Variants in ENAH observed in about 807,000 individuals in gnomAD.
ENAH encodes the protein ENAH actin regulator, also known as protein enabled homolog.
ENAH carries 23 observed loss-of-function variants against 78.7 expected under a neutral mutation model. The observed-to-expected ratio is 0.29, with a 90% CI of 0.21 to 0.41. The LOEUF (loss-of-function observed/expected upper bound fraction) is 0.41, where lower values mean the gene tolerates loss of function less well. Among genes scored for constraint, ENAH ranks in the 10% least tolerant of loss-of-function variants. The pLI is 1.00. For missense variants in ENAH, 544 were observed against 691.0 expected, an observed-to-expected ratio of 0.79 and a Z score of 2.39; for synonymous variants, 226 against 241.0, an observed-to-expected ratio of 0.94 and a Z score of 0.58.
intron 1 of ENAH, among the ~76,000 whole-genome samples, chr1:225,648,756 T>TA (rs1401359468): frequency 7.4e-6 from 1 of 135,930 alleles, no homozygotes; most frequent in African/African-American, 2.8e-5. Flanking sequence ...TAAGATTATC[T>TA]CCTTTTTTTT....
intron 1 of ENAH, among the ~76,000 whole-genome samples, chr1:225,640,918 CAG>C (rs1297326480): frequency 2.5e-5 from 3 of 121,782 alleles, no homozygotes; most frequent in East Asian, 2.4e-4. Context: ...TTTTTTGAGA[CAG>C]AGTCTCGTTC....
chr1:225,538,679 T>C (rs2096574587), intron 3 of ENAH, among the ~76,000 whole-genome samples: 1 of 152,110 alleles, frequency 6.6e-6, no homozygotes, highest in African/African-American at 2.4e-5. Context: ...TATTCCCTTC[T>C]AAGCCAATAT....
chr1:225,514,213 C>G (rs912964807), intron 7 of ENAH, among the ~76,000 whole-genome samples: 3 of 152,078 alleles, frequency 2.0e-5, no homozygotes, highest in East Asian at 3.9e-4. Context: ...GTCACCCAGG[C>G]TAGAGCGCAG....
intron 1 of ENAH, among the ~76,000 whole-genome samples, chr1:225,638,313 C>T (rs1036106833): frequency 3.3e-5 from 5 of 152,042 alleles, no homozygotes; most frequent in African/African-American, 1.2e-4. Context: ...TGTGCACCAC[C>T]ACACCCAGCT....
chr1:225,597,247 G>A (rs2096906067), intron 1 of ENAH, among the ~76,000 whole-genome samples: 2 of 152,136 alleles, frequency 1.3e-5, no homozygotes, highest in African/African-American at 2.4e-5. Flanking sequence ...TAATGGTAGT[G>A]CCTTGGAACA....
At chr1:225,632,070 C>A (rs1487963232) in intron 1 of ENAH, among the ~76,000 whole-genome samples, 1 of 152,148 alleles carries the variant, frequency 6.6e-6, no homozygotes, top group East Asian at 1.9e-4. Flanking sequence ...GAACAAAAAA[C>A]AAGATTGCAG....
rs1433632561 is a variant in ENAH, at chr1:225,489,576, T to A, written c.*8199A>T. 2 of 151,208 alleles carry A rather than the reference T, an allele frequency of 1.3e-5. No individual in the cohort carries two copies. Among genetic ancestry groups the A allele is most frequent in the African/African-American group, 4.8e-5 (2 of 41,284 alleles). 9.4% of individuals were successfully genotyped at this position (151,208 alleles called of 1,614,324 possible). A position where few individuals can be genotyped will look rare whatever the true frequency, so the allele number is the denominator to read the frequency against. On this transcript the variant is annotated 3_prime_UTR_variant, in exon 14 of 14. Coordinates refer to ENST00000366843, the MANE Select transcript of ENAH (RefSeq NM_018212.6). ...TTCTCTTCAAAGATCAAAAGAAGAA[T>A]AAACCAAAAAAGATTAAAAAAAAAG...
intron 1 of ENAH, among the ~76,000 whole-genome samples, chr1:225,596,394 C>A (rs2096902091): frequency 1.3e-5 from 2 of 152,120 alleles, no homozygotes; most frequent in African/African-American, 4.8e-5. Context: ...TTGAGTTTAG[C>A]CCTCTCTGGT....
chr1:225,592,027 T>C (rs1454058231), intron 1 of ENAH, among the ~76,000 whole-genome samples: 3 of 152,138 alleles, frequency 2.0e-5, no homozygotes, highest in African/African-American at 7.2e-5. Context: ...ATAACAGTAA[T>C]ACCTCATGGA....
At chr1:225,610,683 A>C (rs948971492) in intron 1 of ENAH, among the ~76,000 whole-genome samples, 3 of 152,150 alleles carry the variant, frequency 2.0e-5, no homozygotes, top group African/African-American at 7.2e-5. Context: ...TCCATGCCTA[A>C]ACAGAACTAA....
At chr1:225,544,842 CA>C (rs557368453) in intron 3 of ENAH, among the ~76,000 whole-genome samples, 19 of 151,538 alleles carry the variant, frequency 1.3e-4, no homozygotes, top group African/African-American at 3.2e-4. Flanking sequence ...GAAAAAATCA[CA>C]AAAAAAATCA....
At chr1:225,615,189 C>T (rs1170897614) in intron 1 of ENAH, among the ~76,000 whole-genome samples, 1 of 152,308 alleles carries the variant, frequency 6.6e-6, no homozygotes, top group South Asian at 2.1e-4. Context: ...ATTGCAGGCG[C>T]GCGCCGCCAC....
chr1:225,619,161 A>G (rs909554677), intron 1 of ENAH, among the ~76,000 whole-genome samples: 2 of 152,192 alleles, frequency 1.3e-5, no homozygotes, highest in African/African-American at 4.8e-5. Context: ...TACCATGTGC[A>G]ATGTTTCCTG....
intron 3 of ENAH, among the ~76,000 whole-genome samples, chr1:225,554,226 T>C (rs896190357): frequency 6.6e-6 from 1 of 152,190 alleles, no homozygotes; most frequent in African/African-American, 2.4e-5. Context: ...ATAAAATCTC[T>C]CTCTTCAAAG....
chr1:225,646,096 TAAAAC>T (rs1266609716), intron 1 of ENAH, among the ~76,000 whole-genome samples: 3 of 151,860 alleles, frequency 2.0e-5, no homozygotes, highest in Non-Finnish European at 2.9e-5. Context: ...TCTGGTTACT[TAAAAC>T]AAAACTTATC....
intron 1 of ENAH, among the ~76,000 whole-genome samples, chr1:225,580,739 G>C (rs1037188796): frequency 6.6e-6 from 1 of 151,812 alleles, no homozygotes; most frequent in Non-Finnish European, 1.5e-5. Flanking sequence ...CCAACATGGT[G>C]AAACCCTGTC....
intron 3 of ENAH, among the ~76,000 whole-genome samples, chr1:225,531,603 A>G (rs2151266253): frequency 6.6e-6 from 1 of 152,256 alleles, no homozygotes; most frequent in East Asian, 1.9e-4. Context: ...CACACTACAT[A>G]TATTTGTGAA....
In ENAH at chr1:225,499,149, ATAAT is replaced by A. The variant is rs143472557; in HGVS notation, c.1618-749_1618-746del. 4.7e-3 allele frequency among the ~76,000 whole-genome samples: 710 copies of A among 152,364 alleles called. 6 individuals carry two copies. Among genetic ancestry groups the A allele is most frequent in the African/African-American group, 0.013 (546 of 41,586 alleles). On this transcript the variant is annotated intron_variant, in intron 12 of 13. Transcript: ENST00000366843. ...GACTACATATTAAAACATACTTTAAATAATTAAGTTTTAAAATTAATGTCCTTTT... is the reference window on the plus strand; with the variant it reads ...GACTACATATTAAAACATACTTTAAATAAGTTTTAAAATTAATGTCCTTTT...
At chr1:225,599,038 C>G (rs1476090310) in intron 1 of ENAH, among the ~76,000 whole-genome samples, 1 of 152,116 alleles carries the variant, frequency 6.6e-6, no homozygotes, top group African/African-American at 2.4e-5. Flanking sequence ...AAACTGCCAT[C>G]AGGTGCCTCC....
Sources: gnomAD v4.1 joint callset for allele counts (sites outside exome capture counted in the v4.1 genomes callset) on GRCh38, gnomAD v4.1.1 for gene constraint, MANE v1.5 for transcripts, NCBI Gene and HGNC (gene_info 2026-07-23, HGNC 2026-07-21) for gene names.